The following GRAMD1C variants were observed in gnomAD, a reference collection of about 807,000 sequenced individuals.
The protein encoded by GRAMD1C is protein Aster-C.
A neutral mutation model predicts 97.8 loss-of-function variants in GRAMD1C; 89 were observed. The ratio of observed to expected loss-of-function variants is 0.91; its 90% CI spans 0.77 to 1.09. The LOEUF (loss-of-function observed/expected upper bound fraction) is 1.09. Among genes scored for constraint, GRAMD1C ranks in the 50% least tolerant of loss-of-function variants. The pLI is 0.00. For missense variants in GRAMD1C, 740 were observed against 766.4 expected (o/e 0.97, Z 0.41); for synonymous variants, 256 against 267.0 (o/e 0.96, Z 0.40).
At chr3:113,842,298 A>G (rs1056641810) in intron 1 of GRAMD1C, among the ~76,000 whole-genome samples, 2 of 152,206 alleles carry the variant, frequency 1.3e-5, no homozygotes, top group African/African-American at 4.8e-5. Flanking sequence ...AGCCATGAAG[A>G]TTTGCCAATT....
At chr3:113,886,048 A>G in intron 6 of GRAMD1C, 2 of 514,698 alleles carry the variant, frequency 3.9e-6, no homozygotes, top group Non-Finnish European at 5.1e-6. Context: ...ATCCCCCTCC[A>G]CTTGGGTTGG....
chr3:113,917,856 CTTTTTTTTTTTTTTT>C (rs71144097), intron 10 of GRAMD1C, among the ~76,000 whole-genome samples: 1 of 41,868 alleles, frequency 2.4e-5, no homozygotes, highest in African/African-American at 1.0e-4. Flanking sequence ...CCATGCTTGG[CTTTTTTTTTTTTTTT>C]TTTTTTTTTT....
intron 5 of GRAMD1C, 46 bp from the exon 6 acceptor site, chr3:113,882,706 T>C (rs751030331): frequency 8.8e-7 from 1 of 1,131,994 alleles, no homozygotes; most frequent in Non-Finnish European, 1.3e-6. Context: ...ATAATCTGCT[T>C]TTATTTTCCA....
intron 6 of GRAMD1C, among the ~76,000 whole-genome samples, chr3:113,888,331 G>T (rs1164529446): frequency 6.6e-6 from 1 of 152,192 alleles, no homozygotes; most frequent in African/African-American, 2.4e-5. Flanking sequence ...GTAGTTGCCA[G>T]GGGTAGGAAG....
At chr3:113,839,210 C>T (rs1273642936) in intron 1 of GRAMD1C, among the ~76,000 whole-genome samples, 1 of 152,056 alleles carries the variant, frequency 6.6e-6, no homozygotes, top group Non-Finnish European at 1.5e-5. Context: ...GATGTCTCAG[C>T]CCCAGGCCCC....
At chr3:113,923,929 G>C (rs1937147371) in intron 10 of GRAMD1C, among the ~76,000 whole-genome samples, 1 of 152,026 alleles carries the variant, frequency 6.6e-6, no homozygotes, top group Non-Finnish European at 1.5e-5. Flanking sequence ...TGATTGATAG[G>C]TTTTTAATTA....
At chr3:113,854,363 G>A (rs892344036) in intron 2 of GRAMD1C, among the ~76,000 whole-genome samples, 1 of 152,110 alleles carries the variant, frequency 6.6e-6, no homozygotes, top group Admixed American at 6.6e-5. Context: ...ACTCTCCAAT[G>A]TTCAAAACTT....
chr3:113,843,765 CTTAT>C (rs772985290), intron 1 of GRAMD1C, among the ~76,000 whole-genome samples: 28 of 152,300 alleles, frequency 1.8e-4, no homozygotes, highest in South Asian at 4.2e-4. Flanking sequence ...GCTGGCACAT[CTTAT>C]TTGTTTGTTT....
chr3:113,873,425 T>C (rs73228468), intron 3 of GRAMD1C, among the ~76,000 whole-genome samples: 2 of 152,322 alleles, frequency 1.3e-5, no homozygotes, highest in African/African-American at 2.4e-5. Context: ...CTAGCAACAC[T>C]GTCAGTACCT....
At chr3:113,921,613 C>A (rs1378177531) in intron 10 of GRAMD1C, among the ~76,000 whole-genome samples, 1 of 152,186 alleles carries the variant, frequency 6.6e-6, no homozygotes, top group Non-Finnish European at 1.5e-5. Context: ...TGCAACCTCA[C>A]TAGCATCTGT....
chr3:113,946,176 A>G lies in GRAMD1C; in HGVS notation c.*698A>G, dbSNP rs1411796029. 2 of 152,620 alleles carry G rather than the reference A, an allele frequency of 1.3e-5. No homozygotes were observed. The highest frequency in any genetic ancestry group is 2.9e-5 in the Non-Finnish European group (2 of 68,020). The allele number at this position is 152,620 out of a possible 1,614,324, so 9.5% of individuals were successfully genotyped here. A position where few individuals can be genotyped will look rare whatever the true frequency, so the allele number is the denominator to read the frequency against. On this transcript the variant is annotated 3_prime_UTR_variant, in exon 18 of 18. Coordinates refer to ENST00000358160, the MANE Select transcript of GRAMD1C (RefSeq NM_017577.5). The stretch of plus-strand genomic sequence containing the variant: ...AGAATACCAACAGTCAAAAGGAAGA[A>G]CCATCCTCTGAGTTTTAAAAACCAG...
intron 11 of GRAMD1C, among the ~76,000 whole-genome samples, chr3:113,933,121 A>G (rs1032700455): frequency 6.6e-6 from 1 of 152,014 alleles, no homozygotes; most frequent in African/African-American, 2.4e-5. Flanking sequence ...CTGGCCACAA[A>G]TGATCCACCC....
chr3:113,919,813 A>T (rs1936968254), intron 10 of GRAMD1C: 4 of 632,338 alleles, frequency 6.3e-6, no homozygotes, highest in Non-Finnish European at 8.8e-6. Flanking sequence ...TTTACTTCTT[A>T]GTAGTAAGAA....
chr3:113,912,253 T>C (rs1374034062), intron 9 of GRAMD1C, among the ~76,000 whole-genome samples: 1 of 152,184 alleles, frequency 6.6e-6, no homozygotes, highest in East Asian at 1.9e-4. Flanking sequence ...CTGCATTATA[T>C]ATAATACCCA....
chr3:113,881,593 G>A (rs1935264240), intron 5 of GRAMD1C, among the ~76,000 whole-genome samples: 2 of 152,202 alleles, frequency 1.3e-5, no homozygotes, highest in South Asian at 4.1e-4. Context: ...CGTGAGAGTG[G>A]ATAAAGTTAA....
At chr3:113,939,090 C>A (rs1411324338) in intron 15 of GRAMD1C, 1 of 152,146 alleles carries the variant, frequency 6.6e-6, no homozygotes, top group African/African-American at 2.4e-5. Context: ...GCCATAATAA[C>A]TTCAAAGATT....
chr3:113,899,503 GT>G (rs1371537519), intron 6 of GRAMD1C, among the ~76,000 whole-genome samples: 1 of 152,090 alleles, frequency 6.6e-6, no homozygotes, highest in Non-Finnish European at 1.5e-5. Flanking sequence ...TCTACATTAT[GT>G]TTTTATGTTT....
intron 6 of GRAMD1C, among the ~76,000 whole-genome samples, chr3:113,884,299 G>A (rs935028527): frequency 2.0e-5 from 3 of 152,088 alleles, no homozygotes; most frequent in African/African-American, 4.8e-5. Flanking sequence ...AATAAATAAC[G>A]AAGGACATTT....
Position 113,915,835 on chromosome 3 carries a change from A to G in GRAMD1C, c.1087A>G (p.Ile363Val). ...GAAATTTGCCAGTTCTAGAAATATA[A>G]TAGGTTAGTCCTTGTGTTCTTACCT... ...MQKFASSRNIIDVVSTPWTAE... is the reference protein window; with the variant it reads ...MQKFASSRNIVDVVSTPWTAE... Residue 363 changes from isoleucine (I) to valine (V), a missense_variant, in exon 10 of 18, where the codon ATA becomes GTA. Ile to Val is a conservative substitution (Grantham distance 29). Coordinates refer to ENST00000358160, the MANE Select transcript of GRAMD1C (RefSeq NM_017577.5). 6.2e-7 allele frequency: 1 copy of G among 1,606,908 alleles called. No homozygotes were observed. The highest frequency in any genetic ancestry group is 8.5e-7 in the Non-Finnish European group (1 of 1,173,966).
Sources: gnomAD v4.1 joint callset for allele counts (sites outside exome capture counted in the v4.1 genomes callset) on GRCh38, gnomAD v4.1.1 for gene constraint, MANE v1.5 for transcripts, NCBI Gene and HGNC (gene_info 2026-07-23, HGNC 2026-07-21) for gene names.